ROCK2: variants seen among roughly 807,000 people sequenced by gnomAD.
ROCK2 encodes rho-associated protein kinase 2.
In ROCK2, 61 loss-of-function variants were observed where a neutral mutation model predicts 195.1. The observed-to-expected ratio is 0.31, with a 90% CI of 0.25 to 0.39. The LOEUF (loss-of-function observed/expected upper bound fraction) is 0.39. ROCK2 is among the 10% of genes least tolerant of loss of function. The probability of loss-of-function intolerance (pLI) is 1.00; values close to 1 mark genes in which losing one functional copy is unlikely to be tolerated. For synonymous variants in ROCK2, 504 were observed against 545.5 expected (o/e 0.92, Z 1.06); for missense variants, 1,109 against 1,637.4 (o/e 0.68, Z 5.57).
chr2:11,224,041 A>C (rs562329274), intron 7 of ROCK2, among the ~76,000 whole-genome samples: 3 of 152,266 alleles, frequency 2.0e-5, no homozygotes, highest in East Asian at 1.9e-4. Context: ...GAACAACACG[A>C]AAGTTTTATT....
chr2:11,332,935 A>G (rs1221195118), intron 1 of ROCK2, among the ~76,000 whole-genome samples: 1 of 152,242 alleles, frequency 6.6e-6, no homozygotes, highest in African/African-American at 2.4e-5. Context: ...ATATTTTATG[A>G]TTCCACTTAT....
At chr2:11,305,669 C>T (rs1667837626) in intron 1 of ROCK2, among the ~76,000 whole-genome samples, 2 of 152,146 alleles carry the variant, frequency 1.3e-5, no homozygotes, top group Admixed American at 6.5e-5. Context: ...ATAAGATGAG[C>T]TTGTAGCATC....
intron 3 of ROCK2, among the ~76,000 whole-genome samples, chr2:11,279,786 G>A (rs568503524): frequency 6.6e-6 from 1 of 152,098 alleles, no homozygotes; most frequent in Non-Finnish European, 1.5e-5. Context: ...TCTGGGCCAC[G>A]AAACACACCG....
chr2:11,228,435 A>G (rs1472116940), intron 5 of ROCK2, among the ~76,000 whole-genome samples: 9 of 152,204 alleles, frequency 5.9e-5, no homozygotes, highest in African/African-American at 1.4e-4. Flanking sequence ...TCCCACATAT[A>G]TAGCAAATAG....
rs1663682815 is a variant in ROCK2, at chr2:11,197,411, G to A, written c.3280-63C>T. 2 of 1,540,010 alleles carry A rather than the reference G, an allele frequency of 1.3e-6. No homozygotes were observed. The highest frequency in any genetic ancestry group is 8.9e-7 in the Non-Finnish European group (1 of 1,128,412). On this transcript the variant is annotated intron_variant, in intron 26 of 32. Transcript: ENST00000315872. This position sits in a 1 kb window ranked among gnomAD's most constrained non-coding sequence, Gnocchi z 4.9. ...AACATAACTCAACATTTTGCTTCTT[G>A]GTTCAATAATAATTATTAAATAGAA...
chr2:11,312,365 CCA>C (rs565293292), intron 1 of ROCK2, among the ~76,000 whole-genome samples: 140 of 152,142 alleles, frequency 9.2e-4, no homozygotes, highest in African/African-American at 3.2e-3. Flanking sequence ...AAAATCATCA[CCA>C]CAGTCACTAT....
chr2:11,263,093 G>C (rs1666291223), intron 3 of ROCK2, among the ~76,000 whole-genome samples: 1 of 152,276 alleles, frequency 6.6e-6, no homozygotes, highest in Middle Eastern at 3.4e-3. Flanking sequence ...CCTGTAAACA[G>C]TGAAGAGCCT....
At chr2:11,319,765 G>A (rs187717566) in intron 1 of ROCK2, among the ~76,000 whole-genome samples, 13 of 136,540 alleles carry the variant, frequency 9.5e-5, no homozygotes, top group African/African-American at 3.6e-4. Flanking sequence ...ATTATTTTTA[G>A]ATACGTCCCA....
chr2:11,192,146 A>C lies in ROCK2; in HGVS notation c.4163+2T>G, dbSNP rs748794221. The C allele has an allele frequency of 1.9e-5, 30 of 1,575,960 alleles. No individual in the cohort carries two copies. Among genetic ancestry groups the C allele is most frequent in the Non-Finnish European group, 2.3e-5 (27 of 1,160,004 alleles). On this transcript the variant is annotated splice_donor_variant, in intron 32 of 32. Transcript: ENST00000315872. LOFTEE classifies it high-confidence loss of function. The surrounding 1 kb of genome is among the most constrained non-coding windows in gnomAD (Gnocchi z 5.0). The stretch of plus-strand genomic sequence containing the variant: ...TTTCCTTACCACATTTTAGTTTATT[A>C]CCTAGGTTTGTTTGGGGCAAGCTGT...
chr2:11,320,596 T>C (rs1367695446), intron 1 of ROCK2, among the ~76,000 whole-genome samples: 1 of 152,208 alleles, frequency 6.6e-6, no homozygotes, highest in African/African-American at 2.4e-5. Flanking sequence ...TGATAATGGG[T>C]TTACATTTAA....
chr2:11,325,018 T>C (rs931262031), intron 1 of ROCK2, among the ~76,000 whole-genome samples: 2 of 152,224 alleles, frequency 1.3e-5, no homozygotes, highest in Admixed American at 1.3e-4. Flanking sequence ...TTGAAACACT[T>C]TTCTAAGGAA....
In ROCK2 at chr2:11,218,311, A is replaced by C. The variant is rs1664502154; in HGVS notation, c.1332+144T>G. ...GATCCACAGAACAATAATAAAAGAG[A>C]TACTTGGTAGAAGAAAGGTTGGGAA... On this transcript the variant is annotated intron_variant, in intron 11 of 32. Coordinates refer to ENST00000315872, the MANE Select transcript of ROCK2 (RefSeq NM_004850.5). 5 of 493,404 alleles carry C rather than the reference A, an allele frequency of 1.0e-5. No homozygotes were observed. In the East Asian group the frequency reaches 1.6e-4, roughly 16 times the overall value. The allele number at this position is 493,404 out of a possible 1,614,324, so 30.6% of individuals were successfully genotyped here.
chr2:11,221,452 CTA>C (rs1338974465), intron 8 of ROCK2, 95 bp from the exon 9 acceptor site: 1 of 895,728 alleles, frequency 1.1e-6, no homozygotes, highest in African/African-American at 1.8e-5. Flanking sequence ...TTTAATAACA[CTA>C]TATAAATTTG....
At chr2:11,241,291 T>C (rs1230064521) in intron 4 of ROCK2, among the ~76,000 whole-genome samples, 1 of 151,752 alleles carries the variant, frequency 6.6e-6, no homozygotes, top group Non-Finnish European at 1.5e-5. Context: ...CTATACAAAA[T>C]GAAGCATGCA....
chr2:11,272,349 C>A (rs1463873236), intron 3 of ROCK2, among the ~76,000 whole-genome samples: 1 of 152,102 alleles, frequency 6.6e-6, no homozygotes, highest in African/African-American at 2.4e-5. Context: ...TCCAGTATTA[C>A]TGTAATAATG....
chr2:11,224,171 G>T (rs980899309), intron 7 of ROCK2, 151 bp downstream of exon 7: 2 of 694,930 alleles, frequency 2.9e-6, no homozygotes, highest in South Asian at 2.1e-5. Context: ...CCAACACCAG[G>T]CTTAGCAGAA....
At chr2:11,213,739 G>A (rs1170166357) in intron 17 of ROCK2, among the ~76,000 whole-genome samples, 1 of 151,680 alleles carries the variant, frequency 6.6e-6, no homozygotes, top group East Asian at 1.9e-4. Context: ...TCAGGTTAGG[G>A]ATGCATCCCA....
Position 11,275,835 on chromosome 2 carries a change from G to C in ROCK2, c.324+10704C>G, listed in dbSNP as rs192729225. Among the ~76,000 whole-genome samples, 294 of 152,004 alleles carry C rather than the reference G, an allele frequency of 1.9e-3. 1 individual carries two copies. The highest frequency in any genetic ancestry group is 6.7e-3 in the African/African-American group (276 of 41,430). ...CTGCCTCAGCCTCCCTAGCAGCTGGGATTACAGCTGCCTGCCACCACACTC... is the reference window on the plus strand; with the variant it reads ...CTGCCTCAGCCTCCCTAGCAGCTGGCATTACAGCTGCCTGCCACCACACTC... On this transcript the variant is annotated intron_variant, in intron 3 of 32. Coordinates refer to ENST00000315872, the MANE Select transcript of ROCK2 (RefSeq NM_004850.5).
intron 4 of ROCK2, among the ~76,000 whole-genome samples, chr2:11,245,516 A>T (rs979332234): frequency 2.0e-5 from 3 of 151,978 alleles, no homozygotes; most frequent in African/African-American, 7.2e-5. Flanking sequence ...TTTTTTAACA[A>T]AGCAATCTGG....
Sources: allele counts gnomAD v4.1 joint callset (sites outside exome capture counted in the v4.1 genomes callset), GRCh38; gene constraint gnomAD v4.1.1; non-coding constraint Gnocchi (gnomAD v3.1); transcripts MANE v1.5; gene names NCBI Gene and HGNC (gene_info 2026-07-23, HGNC 2026-07-21).